FOXJ2: variants seen among roughly 807,000 people sequenced by gnomAD.
FOXJ2 encodes the protein forkhead box protein J2.
In FOXJ2, 18 loss-of-function variants were observed where a neutral mutation model predicts 68.4. That is an observed-to-expected ratio of 0.26 (90% CI 0.18 to 0.39). The LOEUF is 0.39. Ranked by LOEUF, FOXJ2 falls within the 10% of genes least tolerant of loss-of-function variation. FOXJ2 has a pLI of 1.00. For synonymous variants in FOXJ2, 274 were observed against 263.2 expected (o/e 1.04, Z -0.40); for missense variants, 670 against 726.5 (o/e 0.92, Z 0.89).
chr12:8,048,299 G>A lies in FOXJ2; in HGVS notation c.1225+10G>A, dbSNP rs1392720340. 6.4e-7 allele frequency: 1 copy of A among 1,551,634 alleles called. No homozygotes were observed. Among genetic ancestry groups the A allele is most frequent in the African/African-American group, 1.4e-5 (1 of 73,146 alleles). On this transcript the variant is annotated intron_variant, in intron 7 of 10. Coordinates refer to ENST00000162391, the MANE Select transcript of FOXJ2 (RefSeq NM_018416.3). ...AACAACACTGGCTTTGGTGAGTAAG[G>A]AGGGTGCACAGTGATCTAGAGGAGG...
chr12:8,039,841 T>C lies in FOXJ2; in HGVS notation c.9T>C (p.Ser3=). Residue 3 remains serine, a synonymous_variant, in exon 2 of 11, where the codon TCT becomes TCC. Coordinates refer to ENST00000162391, the MANE Select transcript of FOXJ2 (RefSeq NM_018416.3). Reference sequence around the variant, plus strand: ...CAGAACCCAGAAGTACCATGGCTTCTGACCTAGAGAGTAGCCTCACCTCCA... The same window carrying C: ...CAGAACCCAGAAGTACCATGGCTTCCGACCTAGAGAGTAGCCTCACCTCCA... MA[S]DLESSLTSID... is the part of the protein sequence containing the mutation. 2 of 1,612,034 alleles carry C rather than the reference T, an allele frequency of 1.2e-6. No individual in the cohort carries two copies. Among genetic ancestry groups the C allele is most frequent in the Non-Finnish European group, 1.7e-6 (2 of 1,178,410 alleles).
At chr12:8,042,815 A>T in intron 3 of FOXJ2, 83 bp downstream of exon 3, 1 of 1,112,580 alleles carries the variant, frequency 9.0e-7, no homozygotes, top group East Asian at 2.4e-5. Context: ...TGGCTGTTTT[A>T]ATTACCCAGA....
chr12:8,050,649 CGTT>C (rs1565631306), intron 10 of FOXJ2, 29 bp downstream of exon 10: 2 of 1,611,966 alleles, frequency 1.2e-6, no homozygotes, highest in South Asian at 2.2e-5. Context: ...GTTTCAAAAC[CGTT>C]GTACTCTGAT....
chr12:8,034,138 T>C (rs182696917), intron 1 of FOXJ2, among the ~76,000 whole-genome samples: 21 of 152,310 alleles, frequency 1.4e-4, no homozygotes, highest in Non-Finnish European at 2.4e-4. Context: ...TTTGAGAACA[T>C]GCATACTGTG....
chr12:8,050,888 CCCCTT>C (rs1266648762), intron 10 of FOXJ2, among the ~76,000 whole-genome samples: 1 of 79,168 alleles, frequency 1.3e-5, no homozygotes, highest in African/African-American at 4.5e-5. Flanking sequence ...CCCTTCCCTT[CCCCTT>C]CCCTTCCCCT....
chr12:8,049,629 G>T, intron 9 of FOXJ2, 58 bp downstream of exon 9: 2 of 1,460,384 alleles, frequency 1.4e-6, no homozygotes, highest in Non-Finnish European at 9.2e-7. Context: ...GGAAGCATAG[G>T]AGAAAGGCAA....
chr12:8,046,912 G>C (rs147087822), intron 6 of FOXJ2, among the ~76,000 whole-genome samples: 4 of 152,230 alleles, frequency 2.6e-5, no homozygotes, highest in African/African-American at 9.6e-5. Flanking sequence ...AAATGAATCC[G>C]ACTCAGGTGG....
chr12:8,055,105 A>C lies in FOXJ2; in HGVS notation c.*2255A>C, dbSNP rs933299242. On this transcript the variant is annotated 3_prime_UTR_variant, in exon 11 of 11. Transcript: ENST00000162391. ...CAAGCCCAGTCTTGCTACGTGGCAC[A>C]GGGCAAACCTGACTCCCTTTGGGCC... is the stretch of plus-strand genomic sequence containing the variant. The C allele has an allele frequency of 1.3e-5, 2 of 152,528 alleles. No homozygotes were observed. The highest frequency in any genetic ancestry group is 2.9e-5 in the Non-Finnish European group (2 of 68,040). 9.4% of individuals were successfully genotyped at this position (152,528 alleles called of 1,614,324 possible). A position where few individuals can be genotyped will look rare whatever the true frequency, so the allele number is the denominator to read the frequency against.
intron 6 of FOXJ2, among the ~76,000 whole-genome samples, chr12:8,047,174 C>T (rs78906659): frequency 0.034 from 5,129 of 152,010 alleles, 118 homozygotes; most frequent in Non-Finnish European, 0.048. Flanking sequence ...AATAAGGGGC[C>T]GGTCGTGGTG....
chr12:8,036,657 C>T (rs1039965506), intron 1 of FOXJ2, among the ~76,000 whole-genome samples: 5 of 152,316 alleles, frequency 3.3e-5, no homozygotes, highest in East Asian at 1.9e-4. Flanking sequence ...ACATTAGCCT[C>T]GTGCCATTAT....
At chr12:8,048,560 G>C in intron 7 of FOXJ2, 137 bp from the exon 8 acceptor site, 1 of 1,131,496 alleles carries the variant, frequency 8.8e-7, no homozygotes, top group Non-Finnish European at 1.3e-6. Context: ...TCCCAGGGAG[G>C]GAGAGTCCAA....
chr12:8,047,815 A>T (rs1947058206), intron 6 of FOXJ2, 67 bp from the exon 7 acceptor site: 3 of 1,518,908 alleles, frequency 2.0e-6, no homozygotes, highest in Non-Finnish European at 2.7e-6. Context: ...ATCTCAACCC[A>T]GGGAAAATCC....
intron 10 of FOXJ2, 149 bp from the exon 11 acceptor site, chr12:8,052,613 C>G (rs1455843088): frequency 2.7e-5 from 16 of 599,220 alleles, no homozygotes; most frequent in African/African-American, 5.5e-5. Flanking sequence ...AAATGGTGAC[C>G]TGCAACCAAA....
chr12:8,039,982 T>C lies in FOXJ2; in HGVS notation c.150T>C (p.Pro50=). 6.2e-7 allele frequency: 1 copy of C among 1,614,072 alleles called. No individual in the cohort carries two copies. Among genetic ancestry groups the C allele is most frequent in the Non-Finnish European group, 8.5e-7 (1 of 1,180,002 alleles). The change falls in exon 2 of 11, where the codon CCT becomes CCC. Residue 50 remains proline, a synonymous_variant. Coordinates refer to ENST00000162391, the MANE Select transcript of FOXJ2 (RefSeq NM_018416.3). ...GTTCACCAGGGTCACCCACAGATCC[T>C]AATGCCACCCTGAGCAAAGACGAGG... The part of the protein sequence containing the change: ...RKCSPGSPTD[P]NATLSKDEAA...
At chr12:8,052,332 C>T (rs1947136960) in intron 10 of FOXJ2, among the ~76,000 whole-genome samples, 1 of 151,990 alleles carries the variant, frequency 6.6e-6, no homozygotes, top group African/African-American at 2.4e-5. Context: ...CATTCTCCTG[C>T]TTCAGCCTCC....
chr12:8,045,690 C>G (rs1208976251), intron 6 of FOXJ2, among the ~76,000 whole-genome samples: 1 of 149,726 alleles, frequency 6.7e-6, no homozygotes, highest in Non-Finnish European at 1.5e-5. Context: ...CAGTTTCGCT[C>G]TTTGTTGCTC....
rs111856136 is a variant in FOXJ2 at position 8,034,319 on chromosome 12, C to T, written c.-15+486C>T. Among the ~76,000 whole-genome samples, 4 of 152,280 alleles carry T rather than the reference C, an allele frequency of 2.6e-5. No homozygotes were observed. In the East Asian group the frequency reaches 5.8e-4, roughly 22 times the overall value. On this transcript the variant is annotated intron_variant, in intron 1 of 10. Coordinates refer to ENST00000162391, the MANE Select transcript of FOXJ2 (RefSeq NM_018416.3). Reference sequence around the variant, plus strand: ...TTAGTGTTCACCAGAGGTGTTCCCTCCAGCTTACTGCAATTATAGCTCCCT... The same window carrying T: ...TTAGTGTTCACCAGAGGTGTTCCCTTCAGCTTACTGCAATTATAGCTCCCT...
chr12:8,045,553 C>T (rs893571067), intron 6 of FOXJ2, among the ~76,000 whole-genome samples: 4 of 151,958 alleles, frequency 2.6e-5, no homozygotes, highest in African/African-American at 7.2e-5. Context: ...GGTTTCACCA[C>T]GTTGGCTGGG....
chr12:8,044,686 C>T lies in FOXJ2; in HGVS notation c.619-74C>T. 4 of 1,510,294 alleles carry T rather than the reference C, an allele frequency of 2.6e-6. No individual in the cohort carries two copies. In the Middle Eastern group the frequency reaches 7.1e-4, roughly 268 times the overall value. 93.6% of individuals were successfully genotyped at this position (1,510,294 alleles called of 1,614,324 possible). Reference sequence around the variant, plus strand: ...GGATGAAGAGGACAGACAGGAGAGCCTGGTGACCATTGAAGGGTTTTATTG... The same window carrying T: ...GGATGAAGAGGACAGACAGGAGAGCTTGGTGACCATTGAAGGGTTTTATTG... On this transcript the variant is annotated intron_variant, in intron 5 of 10. Transcript: ENST00000162391.
Sources: gnomAD v4.1 joint callset for allele counts (sites outside exome capture counted in the v4.1 genomes callset) on GRCh38, gnomAD v4.1.1 for gene constraint, MANE v1.5 for transcripts, NCBI Gene and HGNC (gene_info 2026-07-23, HGNC 2026-07-21) for gene names.